The following DSCAM variants were observed in gnomAD, a reference collection of about 807,000 sequenced individuals.
The protein encoded by DSCAM is DS cell adhesion molecule.
DSCAM carries 47 observed loss-of-function variants against 217.7 expected under a neutral mutation model. The observed-to-expected ratio is 0.22, with a 90% CI of 0.17 to 0.28. DSCAM has a LOEUF of 0.28. DSCAM is among the 10% of genes least tolerant of loss of function. The pLI is 1.00. For synonymous variants in DSCAM, 1,056 were observed against 1,015.3 expected (o/e 1.04, Z -0.76); for missense variants, 2,080 against 2,618.3 (o/e 0.79, Z 4.49).
At position 40,144,378 on chromosome 21, in the gene DSCAM, A is replaced by T. The variant is rs1290809066; in HGVS notation, c.3259+113T>A. The T allele has an allele frequency of 3.9e-5, 58 of 1,495,048 alleles. No individual in the cohort carries two copies. The highest frequency in any genetic ancestry group is 4.9e-5 in the Non-Finnish European group (54 of 1,105,144). The allele number at this position is 1,495,048 out of a possible 1,614,324, so 92.6% of individuals were successfully genotyped here. On this transcript the variant is annotated intron_variant, in intron 17 of 32. Transcript: ENST00000400454. The surrounding 1 kb of genome is among the most constrained non-coding windows in gnomAD (Gnocchi z 4.8). Reference sequence around the variant, plus strand: ...TTCCACCCGAGACCCCAGGCCCTGCAGGTCACTGCAAAGTCGTGGGGCGGG... The same window carrying T: ...TTCCACCCGAGACCCCAGGCCCTGCTGGTCACTGCAAAGTCGTGGGGCGGG...
chr21:40,332,172 T>G (rs895760538), intron 8 of DSCAM, among the ~76,000 whole-genome samples: 6 of 152,200 alleles, frequency 3.9e-5, no homozygotes, highest in African/African-American at 1.2e-4. Context: ...CTCAATATCT[T>G]TTGCCCTACA....
chr21:40,370,154 G>A (rs1008952586), intron 3 of DSCAM, among the ~76,000 whole-genome samples: 2 of 151,780 alleles, frequency 1.3e-5, no homozygotes, highest in African/African-American at 4.8e-5. Flanking sequence ...AATTTTAATT[G>A]GCTGATAAAA....
chr21:40,320,737 C>T (rs771073562), intron 8 of DSCAM, among the ~76,000 whole-genome samples: 18 of 152,166 alleles, frequency 1.2e-4, no homozygotes, highest in African/African-American at 3.6e-4. Context: ...ATAAAACCAT[C>T]AGATCTCATA....
chr21:40,038,937 T>A (rs2088685765), intron 32 of DSCAM, among the ~76,000 whole-genome samples: 1 of 147,826 alleles, frequency 6.8e-6, no homozygotes, highest in Non-Finnish European at 1.5e-5. Flanking sequence ...AAACGCCGCA[T>A]ATTCTCACTC....
intron 8 of DSCAM, among the ~76,000 whole-genome samples, chr21:40,313,190 TAAC>T (rs1247600174): frequency 6.6e-6 from 1 of 151,956 alleles, no homozygotes; most frequent in African/African-American, 2.4e-5. Flanking sequence ...GTCCAACTAA[TAAC>T]AACCATTAAT....
intron 3 of DSCAM, among the ~76,000 whole-genome samples, chr21:40,517,847 T>A (rs1335208009): frequency 6.6e-6 from 1 of 152,102 alleles, no homozygotes; most frequent in Non-Finnish European, 1.5e-5. Context: ...CAGACTCTCA[T>A]TACTGGAAAT....
At chr21:40,477,707 A>G (rs1329717227) in intron 3 of DSCAM, among the ~76,000 whole-genome samples, 1 of 152,202 alleles carries the variant, frequency 6.6e-6, no homozygotes, top group African/African-American at 2.4e-5. Context: ...ATTTGTAATT[A>G]TTTTAGAATA....
intron 1 of DSCAM, among the ~76,000 whole-genome samples, chr21:40,759,513 G>A (rs948873810): frequency 6.6e-6 from 1 of 152,152 alleles, no homozygotes; most frequent in African/African-American, 2.4e-5. Flanking sequence ...ATCCCTGGGG[G>A]CAGCCTGCCA....
At chr21:40,721,682 G>A (rs2090902302) in intron 1 of DSCAM, among the ~76,000 whole-genome samples, 1 of 152,132 alleles carries the variant, frequency 6.6e-6, no homozygotes, top group South Asian at 2.1e-4. Flanking sequence ...GGTGAGATGT[G>A]GGCCAATATC....
At chr21:40,195,841 C>A (rs2091001868) in intron 11 of DSCAM, among the ~76,000 whole-genome samples, 1 of 152,156 alleles carries the variant, frequency 6.6e-6, no homozygotes, top group Non-Finnish European at 1.5e-5. Context: ...AACCAGTCCT[C>A]CCAAATTTTT....
chr21:40,087,554 C>A (rs1280264456), intron 21 of DSCAM, among the ~76,000 whole-genome samples: 1 of 152,192 alleles, frequency 6.6e-6, no homozygotes, highest in Non-Finnish European at 1.5e-5. Context: ...GCTTCATAAG[C>A]CAAGCAGCTC....
At chr21:40,725,482 C>T (rs35778050) in intron 1 of DSCAM, among the ~76,000 whole-genome samples, 3,730 of 152,318 alleles carry the variant, frequency 0.024, 59 homozygotes, top group Middle Eastern at 0.034. Flanking sequence ...ACCACCTGAT[C>T]CAGTTCTGTA....
chr21:40,574,129 T>C (rs1239384030), intron 3 of DSCAM, among the ~76,000 whole-genome samples: 1 of 152,116 alleles, frequency 6.6e-6, no homozygotes, highest in Non-Finnish European at 1.5e-5. Context: ...CCCAAATGAC[T>C]TTCTGAGACT....
At chr21:40,769,310 C>T (rs1252650033) in intron 1 of DSCAM, among the ~76,000 whole-genome samples, 1 of 152,226 alleles carries the variant, frequency 6.6e-6, no homozygotes, top group Non-Finnish European at 1.5e-5. Flanking sequence ...GTTTCATTTT[C>T]CATTTAGGGA....
At chr21:40,510,994 T>A (rs1197629383) in intron 3 of DSCAM, among the ~76,000 whole-genome samples, 5 of 152,234 alleles carry the variant, frequency 3.3e-5, no homozygotes, top group Non-Finnish European at 7.3e-5. Flanking sequence ...AATCATGTCA[T>A]GTTTCTTTTA....
chr21:40,527,931 T>C (rs1338382738), intron 3 of DSCAM, among the ~76,000 whole-genome samples: 2 of 152,174 alleles, frequency 1.3e-5, no homozygotes, highest in Non-Finnish European at 2.9e-5. Flanking sequence ...GCTCTAATCA[T>C]GCCACTAGTC....
intron 16 of DSCAM, among the ~76,000 whole-genome samples, chr21:40,157,358 G>A (rs1353319389): frequency 6.6e-6 from 1 of 152,200 alleles, no homozygotes; most frequent in African/African-American, 2.4e-5. Context: ...ACCAGCATGT[G>A]AGGTAGAACT....
chr21:40,600,688 T>G (rs1170224525), intron 3 of DSCAM, among the ~76,000 whole-genome samples: 1 of 152,204 alleles, frequency 6.6e-6, no homozygotes, highest in African/African-American at 2.4e-5. Context: ...AATTTTGAGT[T>G]TTTTTGTTGT....
chr21:40,093,768 C>G lies in DSCAM; in HGVS notation c.3803G>C (p.Gly1268Ala). 1 of 1,613,942 alleles carries G rather than the reference C, an allele frequency of 6.2e-7. No homozygotes were observed. The highest frequency in any genetic ancestry group is 8.5e-7 in the Non-Finnish European group (1 of 1,179,980). ...GATGATTTCACTGCTGTTGCCTCTT[C>G]CGGCTGAAGTAACAGCCACCACCCA... The part of the protein sequence containing the change: ...SVWVVAVTSA[G>A]RGNSSEIITV... Residue 1268 changes from glycine (G) to alanine (A), a missense_variant, in exon 21 of 33, where the codon GGA (glycine) becomes GCA (alanine). Transcript: ENST00000400454.
Sources: gnomAD v4.1 joint callset for allele counts (sites outside exome capture counted in the v4.1 genomes callset) on GRCh38, gnomAD v4.1.1 for gene constraint, Gnocchi (gnomAD v3.1) non-coding constraint, MANE v1.5 for transcripts, NCBI Gene and HGNC (gene_info 2026-07-23, HGNC 2026-07-21) for gene names.